The following TVP23B variants were observed in gnomAD, a reference collection of about 807,000 sequenced individuals.
The protein encoded by TVP23B is Golgi apparatus membrane protein TVP23 homolog B.
In TVP23B, 10 loss-of-function variants were observed where a neutral mutation model predicts 30.6. The observed-to-expected ratio is 0.33, with a 90% CI of 0.20 to 0.55. The LOEUF is 0.55. Among genes scored for constraint, TVP23B ranks in the 20% least tolerant of loss-of-function variants. The pLI, the probability that TVP23B is intolerant of heterozygous loss-of-function variation, is 0.91. For synonymous variants in TVP23B, 67 were observed against 83.1 expected (o/e 0.81, Z 1.06); for missense variants, 153 against 243.2 (o/e 0.63, Z 2.47).
intron 3 of TVP23B, among the ~76,000 whole-genome samples, chr17:18,794,264 G>A (rs1369722481): frequency 2.0e-5 from 3 of 152,214 alleles, no homozygotes; most frequent in Non-Finnish European, 4.4e-5. Flanking sequence ...TTAAATGCCT[G>A]TGGGGCATTT....
At chr17:18,784,715 C>T (rs929178387) in intron 1 of TVP23B, among the ~76,000 whole-genome samples, 5 of 152,192 alleles carry the variant, frequency 3.3e-5, no homozygotes, top group African/African-American at 9.7e-5. Context: ...CAGCATTTGA[C>T]ACAGATGATG....
intron 1 of TVP23B, 145 bp downstream of exon 1, chr17:18,781,450 T>C: frequency 7.0e-7 from 1 of 1,425,510 alleles, no homozygotes; most frequent in South Asian, 1.4e-5. Context: ...CTGTGGGTAG[T>C]TGTCTGAGGA....
rs1326820812 is a variant in TVP23B, at chr17:18,806,290, G to A, written c.*723G>A. On this transcript the variant is annotated 3_prime_UTR_variant, in exon 7 of 7. Coordinates refer to ENST00000307767, the MANE Select transcript of TVP23B (RefSeq NM_016078.6). ...ATAGCTAGATTGAAAGCTCTTCAGT[G>A]GACCTTGAGCTAATAGATCTTTTAC... The A allele has an allele frequency of 2.1e-6, 2 of 965,874 alleles. No individual in the cohort carries two copies. Among genetic ancestry groups the A allele is most frequent in the African/African-American group, 1.8e-5 (1 of 56,774 alleles). The allele number at this position is 965,874 out of a possible 1,614,324, so 59.8% of individuals were successfully genotyped here.
Position 18,806,038 on chromosome 17 carries a change from A to G in TVP23B, c.*471A>G. On this transcript the variant is annotated 3_prime_UTR_variant, in exon 7 of 7. Transcript: ENST00000307767. ...TAAGAGTGAGCACTTTGGCTTATGT[A>G]TAAGTTAGAAATAATTGTTAGTTTT... 1 of 975,752 alleles carries G rather than the reference A, an allele frequency of 1.0e-6. No homozygotes were observed. Among genetic ancestry groups the G allele is most frequent in the Non-Finnish European group, 1.2e-6 (1 of 820,934 alleles). 60.4% of individuals were successfully genotyped at this position (975,752 alleles called of 1,614,324 possible).
At chr17:18,800,662 T>A in intron 5 of TVP23B, among the ~76,000 whole-genome samples, 1 of 152,074 alleles carries the variant, frequency 6.6e-6, no homozygotes, top group Non-Finnish European at 1.5e-5. Flanking sequence ...GTAACCCAGA[T>A]GTATCTGTAT....
intron 5 of TVP23B, 42 bp downstream of exon 5, chr17:18,798,985 T>G: frequency 6.3e-7 from 1 of 1,583,488 alleles, no homozygotes; most frequent in Non-Finnish European, 8.6e-7. Context: ...CATTAAGATG[T>G]CTGATGGTAA....
At position 18,781,188 on chromosome 17, in the gene TVP23B, A is replaced by C; in HGVS notation, c.-106A>C. 2 of 1,514,784 alleles carry C rather than the reference A, an allele frequency of 1.3e-6. No homozygotes were observed. The highest frequency in any genetic ancestry group is 1.8e-6 in the Non-Finnish European group (2 of 1,126,582). The allele number at this position is 1,514,784 out of a possible 1,614,324, so 93.8% of individuals were successfully genotyped here. ...AGTGAGGCCGGACTGAGGCTCTTACAGTGGTCCCTGCTGGCCCTTGGTGAC... is the reference window on the plus strand; with the variant it reads ...AGTGAGGCCGGACTGAGGCTCTTACCGTGGTCCCTGCTGGCCCTTGGTGAC... On this transcript the variant is annotated 5_prime_UTR_variant, in exon 1 of 7. Coordinates refer to ENST00000307767, the MANE Select transcript of TVP23B (RefSeq NM_016078.6).
At chr17:18,785,174 C>T (rs1425749967) in intron 1 of TVP23B, among the ~76,000 whole-genome samples, 3 of 152,162 alleles carry the variant, frequency 2.0e-5, no homozygotes, top group Non-Finnish European at 4.4e-5. Context: ...CCAGAATTCT[C>T]TTTCTAACAG....
intron 5 of TVP23B, 76 bp downstream of exon 5, chr17:18,799,019 T>G (rs1567636583): frequency 5.9e-6 from 9 of 1,526,284 alleles, no homozygotes; most frequent in Non-Finnish European, 7.9e-6. Flanking sequence ...CAACTACAAC[T>G]GAGTCCTTAT....
intron 3 of TVP23B, among the ~76,000 whole-genome samples, chr17:18,792,390 C>T (rs1197177421): frequency 6.6e-6 from 1 of 152,178 alleles, no homozygotes; most frequent in East Asian, 1.9e-4. Context: ...GGCCAGTTTC[C>T]ATAGGCCGCA....
At position 18,790,973 on chromosome 17, in the gene TVP23B, G is replaced by A. The variant is rs1198739810; in HGVS notation, c.173G>A (p.Ser58Asn). 1.2e-6 allele frequency: 2 copies of A among 1,612,456 alleles called. No homozygotes were observed. The highest frequency in any genetic ancestry group is 3.4e-5 in the Admixed American group (2 of 59,664). The change falls in exon 3 of 7, where the codon AGC becomes AAC. Residue 58 changes from serine to asparagine, a missense_variant. Physicochemically the swap from Ser to Asn is conservative, Grantham distance 46. This residue lies in a region of TVP23B where 53 missense variants were observed against 128.0 expected (regional missense o/e 0.41). Coordinates refer to ENST00000307767, the MANE Select transcript of TVP23B (RefSeq NM_016078.6). The part of the protein sequence containing the change: ...IIVYLLCGLL[S>N]SSFITCMVTI... The stretch of plus-strand genomic sequence containing the variant: ...GTCTATCTTCTCTGTGGGTTGCTCA[G>A]CAGCAGCTTTATTACCTGTATGGTG...
chr17:18,802,363 C>T (rs977840160), intron 5 of TVP23B, among the ~76,000 whole-genome samples: 2 of 152,232 alleles, frequency 1.3e-5, no homozygotes, highest in East Asian at 1.9e-4. Context: ...GATCCTTCTG[C>T]GCTTCCTCTC....
chr17:18,786,787 C>T (rs1219557070), intron 1 of TVP23B, among the ~76,000 whole-genome samples: 1 of 151,632 alleles, frequency 6.6e-6, no homozygotes, highest in Non-Finnish European at 1.5e-5. Context: ...TCACTTACTG[C>T]ATGAGCTACT....
chr17:18,799,066 G>C (rs1426893098), intron 5 of TVP23B, 123 bp downstream of exon 5: 39 of 1,225,570 alleles, frequency 3.2e-5, no homozygotes, highest in South Asian at 6.4e-5. Context: ...GCTTCATCAT[G>C]TAATTCCCAA....
Position 18,798,875 on chromosome 17 carries a change from A to G in TVP23B, c.394A>G (p.Ile132Val). The G allele has an allele frequency of 1.2e-6, 2 of 1,613,744 alleles. No individual in the cohort carries two copies. The highest frequency in any genetic ancestry group is 1.7e-6 in the Non-Finnish European group (2 of 1,179,858). ...AESRIFWLGL[I>V]ACPVLWVIFA... Reference sequence around the variant, plus strand: ...ATCAAGAATCTTTTGGTTGGGACTTATTGCCTGTCCAGTACTGTGGGTGAT... The same window carrying G: ...ATCAAGAATCTTTTGGTTGGGACTTGTTGCCTGTCCAGTACTGTGGGTGAT... The change falls in exon 5 of 7, where the codon ATT (isoleucine) becomes GTT (valine). Residue 132 changes from isoleucine to valine, a missense_variant. By Grantham distance (29) the Ile-to-Val change is conservative. Around this residue, in one of 3 missense-constraint regions of TVP23B, gnomAD observed 53 missense variants for 128.0 expected, o/e 0.41. Transcript: ENST00000307767.
intron 3 of TVP23B, among the ~76,000 whole-genome samples, 161 bp downstream of exon 3, chr17:18,791,201 T>G (rs1409063049): frequency 4.8e-5 from 7 of 146,592 alleles, no homozygotes; most frequent in South Asian, 2.2e-4. Context: ...TTTTTTTTTT[T>G]TTTTTTTTTT....
intron 2 of TVP23B, 149 bp from the exon 3 acceptor site, chr17:18,790,747 A>G: frequency 2.3e-6 from 3 of 1,316,904 alleles, no homozygotes; most frequent in South Asian, 1.4e-5. Context: ...AAAGAGAGCT[A>G]GGAGGTTTGC....
intron 3 of TVP23B, among the ~76,000 whole-genome samples, chr17:18,793,724 G>T (rs1027741323): frequency 6.6e-6 from 1 of 151,954 alleles, no homozygotes; most frequent in Non-Finnish European, 1.5e-5. Context: ...CAAAGCAACT[G>T]TCAAGGAAGC....
chr17:18,799,370 C>T (rs1230693757), intron 5 of TVP23B, among the ~76,000 whole-genome samples: 10 of 151,648 alleles, frequency 6.6e-5, no homozygotes, highest in African/African-American at 2.4e-4. Flanking sequence ...GAGCCATCTC[C>T]TCTTCATGAG....
Sources: gnomAD v4.1 joint callset for allele counts (sites outside exome capture counted in the v4.1 genomes callset) on GRCh38, gnomAD v4.1.1 for gene constraint, gnomAD v4.1.1 regional missense constraint, MANE v1.5 for transcripts, NCBI Gene and HGNC (gene_info 2026-07-23, HGNC 2026-07-21) for gene names.